The following NEGR1 variants were observed in gnomAD, a reference collection of about 807,000 sequenced individuals.
NEGR1 encodes IgLON family member 4.
Under a neutral mutation model 40.9 loss-of-function variants are expected in NEGR1, and 10 were observed. The ratio of observed to expected loss-of-function variants is 0.24; its 90% confidence interval spans 0.15 to 0.42. The LOEUF (loss-of-function observed/expected upper bound fraction) is 0.42, where lower values mean the gene tolerates loss of function less well. Ranked by LOEUF, NEGR1 falls within the 10% of genes least tolerant of loss-of-function variation. The pLI is 1.00. For missense variants in NEGR1, 352 were observed against 438.9 expected (o/e 0.80, Z 1.77); for synonymous variants, 185 against 166.8 (o/e 1.11, Z -0.84).
At chr1:71,781,458 G>A (rs193129910) in intron 2 of NEGR1, among the ~76,000 whole-genome samples, 4 of 152,232 alleles carry the variant, frequency 2.6e-5, no homozygotes, top group African/African-American at 9.6e-5. Flanking sequence ...TGGCTCACTG[G>A]AATCAATTAA....
chr1:71,560,441 A>G (rs1052246727), intron 6 of NEGR1, among the ~76,000 whole-genome samples: 7 of 136,364 alleles, frequency 5.1e-5, no homozygotes, highest in African/African-American at 1.9e-4. Context: ...ATATATATAT[A>G]TATATATGTA....
intron 6 of NEGR1, among the ~76,000 whole-genome samples, chr1:71,417,258 CAT>C (rs1045061418): frequency 2.0e-5 from 3 of 152,082 alleles, no homozygotes; most frequent in African/African-American, 7.2e-5. Context: ...TTATATGACT[CAT>C]AGCATTTGAT....
intron 6 of NEGR1, among the ~76,000 whole-genome samples, chr1:71,534,780 C>T (rs1647462376): frequency 6.6e-6 from 1 of 151,464 alleles, no homozygotes; most frequent in African/African-American, 2.4e-5. Flanking sequence ...ATCATAGGAG[C>T]TAATAAAACA....
intron 3 of NEGR1, among the ~76,000 whole-genome samples, chr1:71,752,649 A>G (rs1052828884): frequency 2.6e-5 from 4 of 151,266 alleles, no homozygotes; most frequent in African/African-American, 9.9e-5. Context: ...GGTCAAATAA[A>G]GACCTTCTCC....
At chr1:72,244,446 C>T (rs1317534014) in intron 1 of NEGR1, among the ~76,000 whole-genome samples, 1 of 151,804 alleles carries the variant, frequency 6.6e-6, no homozygotes, top group Non-Finnish European at 1.5e-5. Flanking sequence ...CACATATACA[C>T]ATATATGTAA....
chr1:71,753,668 T>A (rs2101690501), intron 3 of NEGR1, among the ~76,000 whole-genome samples: 1 of 152,318 alleles, frequency 6.6e-6, no homozygotes, highest in East Asian at 1.9e-4. Flanking sequence ...CATTCCCTTC[T>A]TTATATTCGG....
At chr1:71,864,878 G>C (rs970234046) in intron 2 of NEGR1, among the ~76,000 whole-genome samples, 2 of 152,144 alleles carry the variant, frequency 1.3e-5, no homozygotes, top group African/African-American at 2.4e-5. Context: ...TATACAGCAA[G>C]TTGAATATCA....
chr1:72,192,400 T>G, intron 1 of NEGR1, among the ~76,000 whole-genome samples: 1 of 151,884 alleles, frequency 6.6e-6, no homozygotes, highest in Middle Eastern at 3.2e-3. Context: ...AGAGCAGTTT[T>G]GGCAGATAGT....
At chr1:71,437,026 G>A (rs74089336) in intron 6 of NEGR1, among the ~76,000 whole-genome samples, 7,597 of 151,864 alleles carry the variant, frequency 0.05, 399 homozygotes, top group African/African-American at 0.13. Context: ...TTACCTATGC[G>A]TTCATAGAGC....
rs1475341609 is a variant in NEGR1 at position 71,688,325 on chromosome 1, T to TATATAGATAGATAG, written c.667+9682_667+9683insCTATCTATCTATAT. Among the ~76,000 whole-genome samples the TATATAGATAGATAG allele has an allele frequency of 1.7e-4, 18 of 103,208 alleles. 1 individual carries two copies. Among genetic ancestry groups the TATATAGATAGATAG allele is most frequent in the Admixed American group, 5.8e-4 (5 of 8,644 alleles). The allele number at this position is 103,208 out of a possible 152,430, so 67.7% of individuals were successfully genotyped here. On this transcript the variant is annotated intron_variant, in intron 4 of 6. Transcript: ENST00000357731. ...TTCCCTTTTCATATATATATATATA[T>TATATAGATAGATAG]ATAGATAGATAGATAGATAGATAGA...
intron 6 of NEGR1, among the ~76,000 whole-genome samples, chr1:71,547,521 A>G (rs1570014428): frequency 1.3e-5 from 2 of 151,902 alleles, no homozygotes; most frequent in East Asian, 2.0e-4. Context: ...GAAGAAAATT[A>G]GAAATGAGAA....
chr1:71,578,539 T>C (rs1168649711), intron 6 of NEGR1, among the ~76,000 whole-genome samples: 1 of 152,066 alleles, frequency 6.6e-6, no homozygotes, highest in Non-Finnish European at 1.5e-5. Flanking sequence ...GTGTTATACA[T>C]CTATATAGAA....
chr1:71,670,098 C>T (rs1652369303), intron 4 of NEGR1, among the ~76,000 whole-genome samples: 1 of 152,042 alleles, frequency 6.6e-6, no homozygotes, highest in Non-Finnish European at 1.5e-5. Context: ...TTTTCTTCTG[C>T]CTGAAGAACA....
intron 1 of NEGR1, among the ~76,000 whole-genome samples, chr1:72,157,241 G>C (rs1283423853): frequency 6.6e-6 from 1 of 152,148 alleles, no homozygotes; most frequent in African/African-American, 2.4e-5. Context: ...AAAGTGTTGG[G>C]ATTACAAGCG....
At chr1:71,681,393 C>A (rs1354774680) in intron 4 of NEGR1, among the ~76,000 whole-genome samples, 2 of 152,022 alleles carry the variant, frequency 1.3e-5, no homozygotes, top group East Asian at 3.9e-4. Context: ...GACAGTTGTT[C>A]TATCCTAAGA....
intron 3 of NEGR1, among the ~76,000 whole-genome samples, chr1:71,713,864 A>G (rs941444717): frequency 6.6e-6 from 1 of 152,216 alleles, no homozygotes; most frequent in Non-Finnish European, 1.5e-5. Context: ...AAGATATTTT[A>G]TAACAATATA....
intron 2 of NEGR1, among the ~76,000 whole-genome samples, chr1:71,906,007 T>A (rs114327342): frequency 6.6e-6 from 1 of 152,118 alleles, no homozygotes; most frequent in Non-Finnish European, 1.5e-5. Context: ...TTAGGGACTT[T>A]CCACCATATT....
chr1:72,005,770 C>T (rs1646601087), intron 1 of NEGR1, among the ~76,000 whole-genome samples: 2 of 152,060 alleles, frequency 1.3e-5, no homozygotes, highest in Admixed American at 1.3e-4. Flanking sequence ...ATAAGACAAT[C>T]ATGTACAGAT....
intron 3 of NEGR1, among the ~76,000 whole-genome samples, chr1:71,729,828 GTTTTGTT>G (rs1487895841): frequency 5.4e-5 from 8 of 147,112 alleles, no homozygotes; most frequent in South Asian, 2.2e-4. Flanking sequence ...GTTTTGTTTT[GTTTTGTT>G]TTTTGGTTTT....
Sources: allele counts gnomAD v4.1 joint callset (sites outside exome capture counted in the v4.1 genomes callset), GRCh38; gene constraint gnomAD v4.1.1; transcripts MANE v1.5; gene names NCBI Gene and HGNC (gene_info 2026-07-23, HGNC 2026-07-21).